IL15: variants seen among roughly 807,000 people sequenced by gnomAD.
IL15 encodes the protein interleukin 15, also known as interleukin-15.
A neutral mutation model predicts 19.6 loss-of-function variants in IL15; 11 were observed. The ratio of observed to expected loss-of-function variants is 0.56; its 90% CI spans 0.35 to 0.93. The LOEUF (loss-of-function observed/expected upper bound fraction) is 0.93. IL15 is among the 40% of genes least tolerant of loss of function. The pLI is 0.01. For missense variants in IL15, 197 were observed against 186.5 expected (o/e 1.06, Z -0.33); for synonymous variants, 58 against 59.6 (o/e 0.97, Z 0.12).
At chr4:141,673,250 G>T (rs1356066485) in intron 2 of IL15, among the ~76,000 whole-genome samples, 1 of 152,138 alleles carries the variant, frequency 6.6e-6, no homozygotes, top group South Asian at 2.1e-4. Flanking sequence ...ACTCATAATT[G>T]TTTGGCATTG....
intron 5 of IL15, among the ~76,000 whole-genome samples, chr4:141,724,772 C>G (rs1730203885): frequency 6.6e-6 from 1 of 152,074 alleles, no homozygotes. Flanking sequence ...AATCCAAACA[C>G]TCATATAATC....
intron 4 of IL15, chr4:141,721,139 TA>T: frequency 6.7e-7 from 1 of 1,486,164 alleles, no homozygotes; most frequent in Non-Finnish European, 9.2e-7. Context: ...TTTACTCTAC[TA>T]ATGCCTTCAT....
At chr4:141,654,134 A>G (rs1727505719) in intron 1 of IL15, among the ~76,000 whole-genome samples, 2 of 152,206 alleles carry the variant, frequency 1.3e-5, no homozygotes, top group Admixed American at 6.5e-5. Flanking sequence ...TGATGGAAGT[A>G]AGGGCAGATC....
At chr4:141,695,051 T>C (rs1457814410) in intron 2 of IL15, among the ~76,000 whole-genome samples, 4 of 152,134 alleles carry the variant, frequency 2.6e-5, no homozygotes, top group African/African-American at 4.8e-5. Flanking sequence ...ACACAAATAG[T>C]TCCTCAATAT....
At chr4:141,670,217 C>G (rs1405622494) in intron 2 of IL15, among the ~76,000 whole-genome samples, 1 of 151,932 alleles carries the variant, frequency 6.6e-6, no homozygotes, top group East Asian at 1.9e-4. Context: ...GTTTGGCTTA[C>G]TGGATGTCAC....
chr4:141,723,610 G>A (rs1730165746), intron 5 of IL15, among the ~76,000 whole-genome samples: 1 of 152,132 alleles, frequency 6.6e-6, no homozygotes, highest in South Asian at 2.1e-4. Context: ...CACCCACCTT[G>A]TGGTAGTTTA....
In IL15 at chr4:141,727,937, C is replaced by A; in HGVS notation, c.196-3C>A. 2 of 1,242,826 alleles carry A rather than the reference C, an allele frequency of 1.6e-6. No individual in the cohort carries two copies. Among genetic ancestry groups the A allele is most frequent in the Non-Finnish European group, 2.3e-6 (2 of 864,526 alleles). 77.0% of individuals were successfully genotyped at this position (1,242,826 alleles called of 1,614,324 possible). A position where few individuals can be genotyped will look rare whatever the true frequency, so the allele number is the denominator to read the frequency against. On this transcript the variant is annotated splice_polypyrimidine_tract_variant and splice_region_variant and intron_variant, in intron 5 of 7. Transcript: ENST00000320650. Reference sequence around the variant, plus strand: ...AATATTGTCTAATTTTGTTTCCTTTCAGTCTATGCATATTGATGCTACTTT... The same window carrying A: ...AATATTGTCTAATTTTGTTTCCTTTAAGTCTATGCATATTGATGCTACTTT...
At chr4:141,699,124 A>T (rs115717786) in intron 2 of IL15, among the ~76,000 whole-genome samples, 16,888 of 152,182 alleles carry the variant, frequency 0.11, 1,018 homozygotes, top group Non-Finnish European at 0.14. Flanking sequence ...ATTTCCATGT[A>T]TTTATAAAGT....
chr4:141,636,914 C>G (rs1726874412), intron 1 of IL15, 166 bp downstream of exon 1: 1 of 152,420 alleles, frequency 6.6e-6, no homozygotes, highest in South Asian at 2.1e-4. Context: ...AAAACTTAGC[C>G]GCAACTTCAA....
intron 1 of IL15, among the ~76,000 whole-genome samples, chr4:141,639,185 A>C (rs1443506698): frequency 6.6e-6 from 1 of 152,210 alleles, no homozygotes; most frequent in Non-Finnish European, 1.5e-5. Context: ...AAAGTGGTAG[A>C]GTTGGAATTC....
At chr4:141,639,758 G>A (rs1007645621) in intron 1 of IL15, among the ~76,000 whole-genome samples, 4 of 152,274 alleles carry the variant, frequency 2.6e-5, no homozygotes, top group South Asian at 2.1e-4. Context: ...TTACTTACCC[G>A]TTGATTACAG....
At chr4:141,644,011 G>T (rs1418976769) in intron 1 of IL15, among the ~76,000 whole-genome samples, 7 of 151,478 alleles carry the variant, frequency 4.6e-5, no homozygotes, top group Non-Finnish European at 7.4e-5. Context: ...ATCTATCTTG[G>T]GTTTGTCCTT....
intron 2 of IL15, among the ~76,000 whole-genome samples, chr4:141,714,493 A>G (rs540751554): frequency 2.6e-5 from 4 of 152,246 alleles, no homozygotes; most frequent in East Asian, 1.9e-4. Flanking sequence ...CTGCACTAGC[A>G]TCTTAAAAAC....
chr4:141,651,213 C>T (rs1560901925), intron 1 of IL15, among the ~76,000 whole-genome samples: 1 of 151,400 alleles, frequency 6.6e-6, no homozygotes, highest in Non-Finnish European at 1.5e-5. Flanking sequence ...TATATAAACA[C>T]ATATATATAC....
At chr4:141,705,972 G>A (rs1403072512) in intron 2 of IL15, among the ~76,000 whole-genome samples, 2 of 151,544 alleles carry the variant, frequency 1.3e-5, no homozygotes, top group Non-Finnish European at 3.0e-5. Flanking sequence ...TATGCTTGTT[G>A]GCAGCATATA....
At chr4:141,677,842 A>C (rs1025195417) in intron 2 of IL15, among the ~76,000 whole-genome samples, 2 of 152,222 alleles carry the variant, frequency 1.3e-5, no homozygotes, top group Admixed American at 1.3e-4. Context: ...AACATGAAAC[A>C]ATCACAGGAG....
chr4:141,636,916 C>A (rs1726874686), intron 1 of IL15, 168 bp downstream of exon 1: 1 of 152,450 alleles, frequency 6.6e-6, no homozygotes, highest in Non-Finnish European at 1.5e-5. Context: ...AACTTAGCCG[C>A]AACTTCAATT....
At chr4:141,690,542 C>T (rs1405067267) in intron 2 of IL15, among the ~76,000 whole-genome samples, 1 of 152,160 alleles carries the variant, frequency 6.6e-6, no homozygotes, top group African/African-American at 2.4e-5. Context: ...AAGTATTATT[C>T]CAATCAGTTT....
chr4:141,731,424 T>A (rs1276970344), intron 7 of IL15, among the ~76,000 whole-genome samples: 1 of 152,240 alleles, frequency 6.6e-6, no homozygotes, highest in Non-Finnish European at 1.5e-5. Flanking sequence ...TACATATGTA[T>A]GAAATGAATT....
Sources: gnomAD v4.1 joint callset for allele counts (sites outside exome capture counted in the v4.1 genomes callset) on GRCh38, gnomAD v4.1.1 for gene constraint, MANE v1.5 for transcripts, NCBI Gene and HGNC (gene_info 2026-07-23, HGNC 2026-07-21) for gene names.